Variants in ZBTB10 observed in about 807,000 individuals in gnomAD.
ZBTB10 encodes the protein zinc finger and BTB domain containing 10.
In ZBTB10, 32 loss-of-function variants were observed where a neutral mutation model predicts 76.4. The ratio of observed to expected loss-of-function variants is 0.42; its 90% CI spans 0.32 to 0.56. The LOEUF (loss-of-function observed/expected upper bound fraction) is 0.56, where lower values mean the gene tolerates loss of function less well. ZBTB10 is among the 20% of genes least tolerant of loss of function. The pLI, the probability that ZBTB10 is intolerant of heterozygous loss-of-function variation, is 0.14. For missense variants in ZBTB10, 1,057 were observed against 1,098.5 expected, an observed-to-expected ratio of 0.96 and a Z score of 0.53; for synonymous variants, 523 against 432.9, an observed-to-expected ratio of 1.21 and a Z score of -2.58.
chr8:80,497,993 T>C (rs1247153401), intron 1 of ZBTB10, among the ~76,000 whole-genome samples: 1 of 152,148 alleles, frequency 6.6e-6, no homozygotes, highest in Non-Finnish European at 1.5e-5. Context: ...TTCTTTCAGT[T>C]GACTTCTCAT....
intron 1 of ZBTB10, among the ~76,000 whole-genome samples, chr8:80,494,735 C>T (rs1815735956): frequency 6.6e-6 from 1 of 151,762 alleles, no homozygotes; most frequent in African/African-American, 2.4e-5. Flanking sequence ...CTGGGCAACA[C>T]AGGGAGACTC....
intron 3 of ZBTB10, among the ~76,000 whole-genome samples, chr8:80,516,762 G>A (rs1816335167): frequency 6.6e-6 from 1 of 152,162 alleles, no homozygotes; most frequent in Non-Finnish European, 1.5e-5. Context: ...ACTTTGTTGG[G>A]TATTAAGACT....
Position 80,518,397 on chromosome 8 carries a change from T to A in ZBTB10, c.1961-6T>A. 6.5e-7 allele frequency: 1 copy of A among 1,547,990 alleles called. No homozygotes were observed. Among genetic ancestry groups the A allele is most frequent in the Non-Finnish European group, 8.7e-7 (1 of 1,146,242 alleles). ...ATTATTAATTCAGAATTTTTACTTG[T>A]ACTAGGTACTTCACATGATTTCAAG... On this transcript the variant is annotated splice_polypyrimidine_tract_variant and splice_region_variant and intron_variant, in intron 3 of 5. Coordinates refer to ENST00000455036, the MANE Select transcript of ZBTB10 (RefSeq NM_001105539.3).
chr8:80,493,207 G>GCGCGCGCGCGCGCGCGCGCACACACA (rs375071529), intron 1 of ZBTB10, among the ~76,000 whole-genome samples: 4 of 125,242 alleles, frequency 3.2e-5, no homozygotes, highest in Non-Finnish European at 5.1e-5. Context: ...GCGCGCGCGC[G>GCGCGCGCGCGCGCGCGCGCACACACA]CACACACACA....
In ZBTB10 at chr8:80,523,224, C is replaced by T; in HGVS notation, c.*3696C>T. On this transcript the variant is annotated 3_prime_UTR_variant, in exon 6 of 6. Coordinates refer to ENST00000455036, the MANE Select transcript of ZBTB10 (RefSeq NM_001105539.3). Reference sequence around the variant, plus strand: ...ACCACGTCTGATTCTGAAGCCCATACTCTTTCAGGGAGGCTCTATTGCTGC... The same window carrying T: ...ACCACGTCTGATTCTGAAGCCCATATTCTTTCAGGGAGGCTCTATTGCTGC... 6.6e-6 allele frequency: 1 copy of T among 151,932 alleles called. No individual in the cohort carries two copies. Among genetic ancestry groups the T allele is most frequent in the East Asian group, 1.9e-4 (1 of 5,202 alleles). The allele number at this position is 151,932 out of a possible 1,614,324, so 9.4% of individuals were successfully genotyped here.
Position 80,496,230 on chromosome 8 carries a change from G to T in ZBTB10, c.973-3264G>T, listed in dbSNP as rs57350459. The stretch of plus-strand genomic sequence containing the variant: ...TATTAATTTATTGAGTTTAGCAAAT[G>T]ATATTGGCAGTTTATTTTAGTGCTT... On this transcript the variant is annotated intron_variant, in intron 1 of 5. Transcript: ENST00000455036. 3.7e-4 allele frequency among the ~76,000 whole-genome samples: 57 copies of T among 152,270 alleles called. No individual in the cohort carries two copies. The East Asian group carries it at 9.6e-3, about 26-fold the overall frequency.
chr8:80,510,448 G>T (rs549368719), intron 2 of ZBTB10, among the ~76,000 whole-genome samples: 9 of 152,270 alleles, frequency 5.9e-5, no homozygotes, highest in Non-Finnish European at 1.2e-4. Context: ...AAAGTTGAAA[G>T]ATTTTACTGC....
chr8:80,506,571 C>T lies in ZBTB10; in HGVS notation c.1861+6189C>T, dbSNP rs1563463126. On this transcript the variant is annotated intron_variant, in intron 2 of 5. Coordinates refer to ENST00000455036, the MANE Select transcript of ZBTB10 (RefSeq NM_001105539.3). ...TGACCTCAGGTGATCCACCCCCCCCCCAACCCCCGCCTCAGCCTCCCAAAG... is the reference window on the plus strand; with the variant it reads ...TGACCTCAGGTGATCCACCCCCCCCTCAACCCCCGCCTCAGCCTCCCAAAG... 1.5e-5 allele frequency among the ~76,000 whole-genome samples: 2 copies of T among 132,924 alleles called. 1 individual carries two copies. Among genetic ancestry groups the T allele is most frequent in the African/African-American group, 6.6e-5 (2 of 30,112 alleles). 87.2% of individuals were successfully genotyped at this position (132,924 alleles called of 152,430 possible).
At chr8:80,511,505 G>T (rs1007403390) in intron 2 of ZBTB10, among the ~76,000 whole-genome samples, 8 of 152,018 alleles carry the variant, frequency 5.3e-5, no homozygotes, top group Non-Finnish European at 1.2e-4. Flanking sequence ...TTTCAATTTT[G>T]TTGAGACAGG....
Position 80,518,893 on chromosome 8 carries a change from T to A in ZBTB10, c.2249T>A (p.Phe750Tyr). 6 of 1,610,412 alleles carry A rather than the reference T, an allele frequency of 3.7e-6. No individual in the cohort carries two copies. Among genetic ancestry groups the A allele is most frequent in the Non-Finnish European group, 5.1e-6 (6 of 1,178,048 alleles). ...HLLIHTGVRS[F>Y]SCDICGKLFT... is the part of the protein sequence containing the mutation. Reference sequence around the variant, plus strand: ...CTCATTCACACAGGAGTGAGATCATTTAGCTGTGATATTTGTGGAAAACTG... The same window carrying A: ...CTCATTCACACAGGAGTGAGATCATATAGCTGTGATATTTGTGGAAAACTG... The change falls in exon 5 of 6, where the codon TTT (phenylalanine) becomes TAT (tyrosine). Residue 750 changes from phenylalanine to tyrosine, a missense_variant. This residue lies in a region of ZBTB10 where 54 missense variants were observed against 138.1 expected (regional missense o/e 0.39). Coordinates refer to ENST00000455036, the MANE Select transcript of ZBTB10 (RefSeq NM_001105539.3).
intron 1 of ZBTB10, among the ~76,000 whole-genome samples, chr8:80,496,552 C>T (rs1043994407): frequency 6.6e-6 from 1 of 151,992 alleles, no homozygotes; most frequent in Non-Finnish European, 1.5e-5. Context: ...TTAATTTGTA[C>T]AGTTTGTGTC....
intron 2 of ZBTB10, among the ~76,000 whole-genome samples, chr8:80,506,302 T>TTTTTTTTC (rs1255265477): frequency 4.6e-5 from 7 of 151,748 alleles, no homozygotes; most frequent in Non-Finnish European, 8.8e-5. Flanking sequence ...TATTCATGGG[T>TTTTTTTTC]TTTTTTTCTT....
chr8:80,497,881 T>G (rs3901080), intron 1 of ZBTB10, among the ~76,000 whole-genome samples: 43,796 of 151,700 alleles, frequency 0.29, 7,673 homozygotes, highest in African/African-American at 0.5. Flanking sequence ...CAGGCTGGTC[T>G]TGAACTCCTG....
At position 80,493,205 on chromosome 8, in the gene ZBTB10, GCGCACACA is replaced by G. The variant is rs1345199369; in HGVS notation, c.972+5425_972+5432del. ...ACTGTGCCTCAAAACGCGCGCGCGC[GCGCACACA>G]CACACACACACACACACACACACAC... On this transcript the variant is annotated intron_variant, in intron 1 of 5. Transcript: ENST00000455036. Among the ~76,000 whole-genome samples, 335 of 98,436 alleles carry G rather than the reference GCGCACACA, an allele frequency of 3.4e-3. 1 individual carries two copies. The highest frequency in any genetic ancestry group is 0.013 in the Middle Eastern group (2 of 152). 64.6% of individuals were successfully genotyped at this position (98,436 alleles called of 152,430 possible). A position where few individuals can be genotyped will look rare whatever the true frequency, so the allele number is the denominator to read the frequency against.
At chr8:80,515,967 T>C (rs1417790668) in intron 3 of ZBTB10, among the ~76,000 whole-genome samples, 1 of 152,204 alleles carries the variant, frequency 6.6e-6, no homozygotes. Flanking sequence ...ATGAAAGAAA[T>C]TTGGGGCAAG....
intron 2 of ZBTB10, among the ~76,000 whole-genome samples, chr8:80,503,091 A>G (rs1174598953): frequency 6.6e-6 from 1 of 152,208 alleles, no homozygotes; most frequent in African/African-American, 2.4e-5. Flanking sequence ...AATTGAGTCA[A>G]ACATAATGAA....
At chr8:80,496,766 T>C (rs181856790) in intron 1 of ZBTB10, among the ~76,000 whole-genome samples, 8 of 152,358 alleles carry the variant, frequency 5.3e-5, no homozygotes, top group Admixed American at 5.2e-4. Context: ...ATACGGACTT[T>C]AGGCAGTTCT....
At chr8:80,494,047 T>C (rs1403607479) in intron 1 of ZBTB10, among the ~76,000 whole-genome samples, 1 of 152,258 alleles carries the variant, frequency 6.6e-6, no homozygotes, top group Non-Finnish European at 1.5e-5. Flanking sequence ...CAAAACTTGC[T>C]ATGGCCTTGT....
At chr8:80,500,788 T>C (rs1238983850) in intron 2 of ZBTB10, among the ~76,000 whole-genome samples, 1 of 152,236 alleles carries the variant, frequency 6.6e-6, no homozygotes, top group Admixed American at 6.5e-5. Flanking sequence ...ATTTTATTTT[T>C]GGCTGTTAAA....
Sources: gnomAD v4.1 joint callset for allele counts (sites outside exome capture counted in the v4.1 genomes callset) on GRCh38, gnomAD v4.1.1 for gene constraint, gnomAD v4.1.1 regional missense constraint, MANE v1.5 for transcripts, NCBI Gene and HGNC (gene_info 2026-07-23, HGNC 2026-07-21) for gene names.